Variants in LRRC72 observed in about 807,000 individuals in gnomAD.
LRRC72 encodes the protein leucine-rich repeat-containing protein 72.
A neutral mutation model predicts 35.8 loss-of-function variants in LRRC72; 41 were observed. The observed-to-expected ratio is 1.15, with a 90% confidence interval of 0.89 to 1.49. LRRC72 has a LOEUF of 1.49. Among genes scored for constraint, LRRC72 ranks in the 40% most tolerant of loss-of-function variants. The pLI, the probability that LRRC72 is intolerant of heterozygous loss-of-function variation, is 0.00. For synonymous variants in LRRC72, 118 were observed against 119.2 expected (o/e 0.99, Z 0.07); for missense variants, 389 against 330.7 (o/e 1.18, Z -1.37).
chr7:16,532,584 A>G lies in LRRC72; in HGVS notation c.164+16A>G. ...TTTCTAAAAAGTAAGTGTACTTAACATAAAAAATGAAAGAGTATCATGTTA... is the reference window on the plus strand; with the variant it reads ...TTTCTAAAAAGTAAGTGTACTTAACGTAAAAAATGAAAGAGTATCATGTTA... On this transcript the variant is annotated intron_variant, in intron 2 of 8. Transcript: ENST00000401542. The G allele has an allele frequency of 6.6e-7, 1 of 1,504,468 alleles. No homozygotes were observed. The highest frequency in any genetic ancestry group is 9.1e-7 in the Non-Finnish European group (1 of 1,104,830). 93.2% of individuals were successfully genotyped at this position (1,504,468 alleles called of 1,614,324 possible).
At position 16,581,564 on chromosome 7, in the gene LRRC72, C is replaced by G; in HGVS notation, c.*75C>G. The G allele has an allele frequency of 9.1e-7, 1 of 1,094,574 alleles. No homozygotes were observed. The highest frequency in any genetic ancestry group is 2.4e-4 in the Middle Eastern group (1 of 4,098). The allele number at this position is 1,094,574 out of a possible 1,614,324, so 67.8% of individuals were successfully genotyped here. A position where few individuals can be genotyped will look rare whatever the true frequency, so the allele number is the denominator to read the frequency against. ...TCCCTGTGACTTAGCATATTACATA[C>G]TTACAATGATATTATTTGAGACATC... On this transcript the variant is annotated 3_prime_UTR_variant, in exon 9 of 9. Transcript: ENST00000401542.
chr7:16,532,569 G>A lies in LRRC72; in HGVS notation c.164+1G>A. ...TCTTTGAGCTGTTCCTTTCTAAAAA[G>A]TAAGTGTACTTAACATAAAAAATGA... On this transcript the variant is annotated splice_donor_variant, in intron 2 of 8. Transcript: ENST00000401542. LOFTEE classifies it high-confidence loss of function. The A allele has an allele frequency of 6.5e-7, 1 of 1,542,930 alleles. No homozygotes were observed. The highest frequency in any genetic ancestry group is 8.8e-7 in the Non-Finnish European group (1 of 1,140,094).
intron 7 of LRRC72, among the ~76,000 whole-genome samples, chr7:16,575,889 TG>T (rs2128339220): frequency 6.6e-6 from 1 of 152,344 alleles, no homozygotes; most frequent in African/African-American, 2.4e-5. Context: ...TAATTATTAT[TG>T]GTGTGATCCC....
chr7:16,567,633 C>T (rs1001058820), intron 7 of LRRC72, 90 bp downstream of exon 7: 1 of 1,042,830 alleles, frequency 9.6e-7, no homozygotes, highest in Non-Finnish European at 1.3e-6. Flanking sequence ...ATAACAACTA[C>T]AATTTACAAT....
Position 16,558,924 on chromosome 7 carries a change from C to T in LRRC72, c.352C>T (p.Leu118=), listed in dbSNP as rs1316207421. Residue 118 remains leucine (L), a synonymous_variant, in exon 5 of 9, where the codon CTA becomes TTA. Transcript: ENST00000401542. Reference sequence around the variant, plus strand: ...TTTGCCTTCATTGCATATACTCCTGCTACACCACAATGAGCTAACCAACAT... The same window carrying T: ...TTTGCCTTCATTGCATATACTCCTGTTACACCACAATGAGCTAACCAACAT... ...HYLPSLHILL[L]HHNELTNIDA... The T allele has an allele frequency of 1.3e-6, 2 of 1,531,026 alleles. No individual in the cohort carries two copies. The highest frequency in any genetic ancestry group is 2.5e-5 in the East Asian group (1 of 40,144). 94.8% of individuals were successfully genotyped at this position (1,531,026 alleles called of 1,614,324 possible).
intron 3 of LRRC72, among the ~76,000 whole-genome samples, chr7:16,557,043 A>G (rs1352016220): frequency 2.0e-5 from 3 of 152,196 alleles, no homozygotes; most frequent in Non-Finnish European, 4.4e-5. Flanking sequence ...GAGCAGAAGT[A>G]GAAGAAATAT....
At chr7:16,549,893 C>T (rs1261072282) in intron 3 of LRRC72, among the ~76,000 whole-genome samples, 2 of 151,974 alleles carry the variant, frequency 1.3e-5, no homozygotes, top group Admixed American at 6.6e-5. Flanking sequence ...TTAATGATTC[C>T]TGTTAGAGTA....
chr7:16,580,620 G>A (rs951765555), intron 8 of LRRC72, among the ~76,000 whole-genome samples: 4 of 151,938 alleles, frequency 2.6e-5, no homozygotes, highest in Admixed American at 2.0e-4. Context: ...CTCCAGCCTG[G>A]GTGACAGAGT....
At chr7:16,570,246 T>A (rs556225546) in intron 7 of LRRC72, among the ~76,000 whole-genome samples, 45 of 152,300 alleles carry the variant, frequency 3.0e-4, no homozygotes, top group African/African-American at 1.0e-3. Context: ...ATGTAGGTTA[T>A]GACAAACATG....
chr7:16,576,083 T>G (rs1156813349), intron 7 of LRRC72, among the ~76,000 whole-genome samples: 2 of 152,238 alleles, frequency 1.3e-5, no homozygotes, highest in African/African-American at 4.8e-5. Context: ...ATATGTTGAC[T>G]AAAGCCTCTA....
chr7:16,554,828 G>C (rs1356149667), intron 3 of LRRC72, among the ~76,000 whole-genome samples: 1 of 152,216 alleles, frequency 6.6e-6, no homozygotes, highest in Non-Finnish European at 1.5e-5. Context: ...AGGTTTGTTA[G>C]TGTTCTTCTT....
intron 5 of LRRC72, 58 bp from the exon 6 acceptor site, chr7:16,566,255 T>C: frequency 9.1e-7 from 1 of 1,102,076 alleles, no homozygotes; most frequent in Non-Finnish European, 1.3e-6. Context: ...ATTTTATAAG[T>C]GATAAGTGAA....
At chr7:16,558,177 G>A (rs548799767) in intron 4 of LRRC72, among the ~76,000 whole-genome samples, 217 of 152,222 alleles carry the variant, frequency 1.4e-3, no homozygotes, top group African/African-American at 5.1e-3. Flanking sequence ...GAGGAGATGA[G>A]TAATTTTTCC....
chr7:16,567,564 A>C (rs952909821), intron 7 of LRRC72, 21 bp downstream of exon 7: 1 of 1,418,394 alleles, frequency 7.1e-7, no homozygotes. Context: ...AAAAAAAAAA[A>C]AAAAACAAAT....
At chr7:16,567,567 A>AG in intron 7 of LRRC72, 24 bp downstream of exon 7, 1 of 1,415,538 alleles carries the variant, frequency 7.1e-7, no homozygotes, top group Non-Finnish European at 9.3e-7. Context: ...AAAAAAAAAA[A>AG]AACAAATTTA....
intron 3 of LRRC72, among the ~76,000 whole-genome samples, chr7:16,549,485 G>A (rs918178554): frequency 2.0e-5 from 3 of 152,148 alleles, no homozygotes; most frequent in Non-Finnish European, 2.9e-5. Flanking sequence ...GCAGTGGCTT[G>A]TACTGCTGGT....
chr7:16,535,604 T>A (rs1194126951), intron 2 of LRRC72, among the ~76,000 whole-genome samples: 1 of 152,196 alleles, frequency 6.6e-6, no homozygotes, highest in African/African-American at 2.4e-5. Flanking sequence ...CATGTATGAC[T>A]TTCCAATTAT....
chr7:16,564,745 G>C (rs943373131), intron 5 of LRRC72, among the ~76,000 whole-genome samples: 11 of 152,046 alleles, frequency 7.2e-5, no homozygotes, highest in African/African-American at 2.7e-4. Flanking sequence ...GCCAGAAAAA[G>C]TTGTGTTTAT....
intron 3 of LRRC72, among the ~76,000 whole-genome samples, chr7:16,538,822 C>A (rs1782307969): frequency 6.6e-6 from 1 of 152,162 alleles, no homozygotes; most frequent in Admixed American, 6.5e-5. Context: ...TACCTGCCAC[C>A]ATGTAAGATG....
Sources: allele counts gnomAD v4.1 joint callset (sites outside exome capture counted in the v4.1 genomes callset), GRCh38; gene constraint gnomAD v4.1.1; transcripts MANE v1.5; gene names NCBI Gene and HGNC (gene_info 2026-07-23, HGNC 2026-07-21).